Variants in SPOCK3 observed in about 807,000 individuals in gnomAD.
SPOCK3 encodes SPARC (osteonectin), cwcv and kazal like domains proteoglycan 3, also known as testican-3.
SPOCK3 carries 30 observed loss-of-function variants against 56.6 expected under a neutral mutation model. The ratio of observed to expected loss-of-function variants is 0.53; its 90% CI spans 0.40 to 0.72. The LOEUF (loss-of-function observed/expected upper bound fraction) is 0.72, where lower values mean the gene tolerates loss of function less well. SPOCK3 is among the 30% of genes least tolerant of loss of function. The pLI, the probability that SPOCK3 is intolerant of heterozygous loss-of-function variation, is 0.00. For synonymous variants in SPOCK3, 196 were observed against 183.3 expected, an observed-to-expected ratio of 1.07 and a Z score of -0.56; for missense variants, 527 against 530.0, an observed-to-expected ratio of 0.99 and a Z score of 0.06.
At chr4:167,027,340 A>G (rs1371538852) in intron 3 of SPOCK3, among the ~76,000 whole-genome samples, 1 of 152,022 alleles carries the variant, frequency 6.6e-6, no homozygotes, top group Non-Finnish European at 1.5e-5. Flanking sequence ...GTTAAAGACT[A>G]TGTTGTCTGG....
chr4:166,989,485 T>C (rs1014308470), intron 4 of SPOCK3, among the ~76,000 whole-genome samples: 1 of 152,100 alleles, frequency 6.6e-6, no homozygotes, highest in Admixed American at 6.6e-5. Flanking sequence ...ATCTGGAAAT[T>C]CCAGTATTTT....
intron 4 of SPOCK3, among the ~76,000 whole-genome samples, chr4:166,991,376 T>TATTA: frequency 6.6e-6 from 1 of 151,300 alleles, no homozygotes; most frequent in South Asian, 2.1e-4. Flanking sequence ...TTTATTTATT[T>TATTA]ATTTATGTTT....
intron 7 of SPOCK3, among the ~76,000 whole-genome samples, chr4:166,778,752 A>G (rs1052918865): frequency 2.0e-5 from 3 of 151,854 alleles, no homozygotes; most frequent in African/African-American, 7.3e-5. Flanking sequence ...CAGGAAGGGT[A>G]TGAAGAGTTA....
chr4:167,016,444 T>C (rs920580281), intron 3 of SPOCK3, among the ~76,000 whole-genome samples: 3 of 152,136 alleles, frequency 2.0e-5, no homozygotes, highest in African/African-American at 7.2e-5. Flanking sequence ...CGTTGCACAA[T>C]TAACTTTTAG....
At chr4:167,061,809 G>A (rs1467197824) in intron 3 of SPOCK3, among the ~76,000 whole-genome samples, 1 of 151,796 alleles carries the variant, frequency 6.6e-6, no homozygotes, top group Non-Finnish European at 1.5e-5. Flanking sequence ...GTTACAAAAA[G>A]AAACTTTAAA....
chr4:166,803,889 T>C (rs1448224254), intron 6 of SPOCK3, among the ~76,000 whole-genome samples: 2 of 152,304 alleles, frequency 1.3e-5, no homozygotes, highest in East Asian at 1.9e-4. Flanking sequence ...TTTTATTAAA[T>C]GCAAATTAAC....
chr4:167,157,761 C>G (rs1028894009), intron 2 of SPOCK3, among the ~76,000 whole-genome samples: 2 of 151,642 alleles, frequency 1.3e-5, no homozygotes, highest in Non-Finnish European at 2.9e-5. Flanking sequence ...TAAACACACA[C>G]ACACACACAG....
chr4:166,998,358 A>G (rs1748604411), intron 4 of SPOCK3, among the ~76,000 whole-genome samples: 1 of 152,096 alleles, frequency 6.6e-6, no homozygotes, highest in Non-Finnish European at 1.5e-5. Context: ...GGATCTTTCA[A>G]TTTTATATAT....
chr4:167,199,694 AAATAATAATAATAATAATAATAAT>A (rs200479070), intron 2 of SPOCK3, among the ~76,000 whole-genome samples: 1 of 141,636 alleles, frequency 7.1e-6, no homozygotes, highest in Non-Finnish European at 1.5e-5. Context: ...TGTGTGAAAT[AAATAATAATAATAATAATAATAAT>A]AATAATAATA....
chr4:167,143,618 A>AT (rs1043335868), intron 2 of SPOCK3, among the ~76,000 whole-genome samples: 4 of 151,834 alleles, frequency 2.6e-5, no homozygotes, highest in Admixed American at 6.6e-5. Flanking sequence ...GGCAGCTGCC[A>AT]TTTTTTTACA....
chr4:166,916,085 G>A (rs1056094073), intron 4 of SPOCK3, among the ~76,000 whole-genome samples: 1 of 152,048 alleles, frequency 6.6e-6, no homozygotes, highest in Non-Finnish European at 1.5e-5. Flanking sequence ...CCTATACAGG[G>A]TCACAACCCT....
chr4:166,753,598 A>G (rs1162489675), intron 8 of SPOCK3, among the ~76,000 whole-genome samples: 1 of 152,050 alleles, frequency 6.6e-6, no homozygotes, highest in Non-Finnish European at 1.5e-5. Context: ...AAACTACCCC[A>G]TATAATGTGC....
chr4:166,897,811 T>C (rs1205171200), intron 5 of SPOCK3, among the ~76,000 whole-genome samples: 2 of 152,138 alleles, frequency 1.3e-5, no homozygotes, highest in Non-Finnish European at 2.9e-5. Context: ...TCACAGACCA[T>C]ATTAGAAGAC....
chr4:166,957,597 A>G (rs1251052913), intron 4 of SPOCK3, among the ~76,000 whole-genome samples: 1 of 152,138 alleles, frequency 6.6e-6, no homozygotes, highest in Non-Finnish European at 1.5e-5. Flanking sequence ...TCTTCAAAAT[A>G]TCTTGTGTAT....
Position 166,754,550 on chromosome 4 carries a change from T to A in SPOCK3, c.889A>T (p.Ile297Leu). The A allele has an allele frequency of 1.2e-6, 2 of 1,613,606 alleles. 1 individual carries two copies. The highest frequency in any genetic ancestry group is 2.2e-5 in the South Asian group (2 of 91,072). The change falls in exon 8 of 11, where the codon ATA (isoleucine) becomes TTA (leucine). Residue 297 changes from isoleucine to leucine, a missense_variant. By Grantham distance (5) the Ile-to-Leu change is conservative. Transcript: ENST00000357545. ...CAGTAGCACCACTCATTATTAGATA[T>A]TAAACTGTCCTTGTATGTGTCACAA... ...NSCDTYKDSL[I>L]SNNEWCYCFQ...
At chr4:166,897,040 G>A (rs925548098) in intron 5 of SPOCK3, among the ~76,000 whole-genome samples, 8 of 152,068 alleles carry the variant, frequency 5.3e-5, no homozygotes, top group South Asian at 4.1e-4. Context: ...ACTATGTGCC[G>A]TTGAGATATG....
chr4:166,975,516 T>C (rs1020072892), intron 4 of SPOCK3, among the ~76,000 whole-genome samples: 5 of 152,214 alleles, frequency 3.3e-5, no homozygotes, highest in African/African-American at 1.2e-4. Flanking sequence ...ATTCCAGCTA[T>C]AATTTTAGTT....
intron 7 of SPOCK3, among the ~76,000 whole-genome samples, chr4:166,781,940 A>T (rs1740230032): frequency 1.3e-5 from 2 of 152,208 alleles, no homozygotes; most frequent in Non-Finnish European, 2.9e-5. Context: ...AATATATTTT[A>T]AAAAAGAAAA....
intron 4 of SPOCK3, among the ~76,000 whole-genome samples, chr4:166,967,487 A>T (rs953901056): frequency 1.3e-5 from 2 of 152,116 alleles, no homozygotes; most frequent in Non-Finnish European, 2.9e-5. Context: ...GTGAGTTATC[A>T]TAAGATCTGG....
Sources: gnomAD v4.1 joint callset for allele counts (sites outside exome capture counted in the v4.1 genomes callset) on GRCh38, gnomAD v4.1.1 for gene constraint, MANE v1.5 for transcripts, NCBI Gene and HGNC (gene_info 2026-07-23, HGNC 2026-07-21) for gene names.